PRAMEF4: variants seen among roughly 807,000 people sequenced by gnomAD.
PRAMEF4 encodes the protein RP5-845O24.6.
PRAMEF4 carries 18 observed loss-of-function variants against 34.4 expected under a neutral mutation model. The ratio of observed to expected loss-of-function variants is 0.52; its 90% CI spans 0.36 to 0.78. The LOEUF (loss-of-function observed/expected upper bound fraction) is 0.78. PRAMEF4 is among the 30% of genes least tolerant of loss of function. The pLI is 0.00. For missense variants in PRAMEF4, 482 were observed against 569.1 expected, an observed-to-expected ratio of 0.85 and a Z score of 1.56; for synonymous variants, 156 against 219.3, an observed-to-expected ratio of 0.71 and a Z score of 2.55.
Position 12,883,337 on chromosome 1 carries a change from G to A in PRAMEF4, c.58C>T (p.Leu20=). The A allele has an allele frequency of 6.2e-7, 1 of 1,600,446 alleles. No homozygotes were observed. Among genetic ancestry groups the A allele is most frequent in the Non-Finnish European group, 8.5e-7 (1 of 1,173,336 alleles). The change falls in exon 2 of 4, where the codon CTA becomes TTA. Residue 20 remains leucine (L), a synonymous_variant. Transcript: ENST00000235349. Reference sequence around the variant, plus strand: ...GACATGGCCAAAGCTTGGTCCCTTAGCAGGCTCCGCCCTGCAAGCTCCAGG... The same window carrying A: ...GACATGGCCAAAGCTTGGTCCCTTAACAGGCTCCGCCCTGCAAGCTCCAGG... ...RLLELAGRSL[L]RDQALAMSTL...
Position 12,881,728 on chromosome 1 carries a change from C to G in PRAMEF4, c.875+126G>C. Reference sequence around the variant, plus strand: ...GGACAGGGCCGCCCACAGGACAATGCATGGACATTCTAGTGTCCCCTTCAC... The same window carrying G: ...GGACAGGGCCGCCCACAGGACAATGGATGGACATTCTAGTGTCCCCTTCAC... On this transcript the variant is annotated intron_variant, in intron 3 of 3. Coordinates refer to ENST00000235349, the MANE Select transcript of PRAMEF4 (RefSeq NM_001009611.4). 3 of 1,447,102 alleles carry G rather than the reference C, an allele frequency of 2.1e-6. 1 individual carries two copies. The highest frequency in any genetic ancestry group is 2.8e-6 in the Non-Finnish European group (3 of 1,067,698). 89.6% of individuals were successfully genotyped at this position (1,447,102 alleles called of 1,614,324 possible).
rs1186121315 is a variant in PRAMEF4, at chr1:12,881,703, G to A, written c.875+151C>T. ...GGAGGGTTGCATGATACCCATTTCA[G>A]GACAGGGCCGCCCACAGGACAATGC... On this transcript the variant is annotated intron_variant, in intron 3 of 3. Coordinates refer to ENST00000235349, the MANE Select transcript of PRAMEF4 (RefSeq NM_001009611.4). 72 of 1,345,130 alleles carry A rather than the reference G, an allele frequency of 5.4e-5. 4 individuals are homozygous for A. The highest frequency in any genetic ancestry group is 4.6e-4 in the South Asian group (34 of 74,236). The allele number at this position is 1,345,130 out of a possible 1,614,324, so 83.3% of individuals were successfully genotyped here. A position where few individuals can be genotyped will look rare whatever the true frequency, so the allele number is the denominator to read the frequency against.
chr1:12,884,602 C>G (rs1277611096), intron 1 of PRAMEF4, among the ~76,000 whole-genome samples: 1 of 147,414 alleles, frequency 6.8e-6, no homozygotes, highest in African/African-American at 2.5e-5. Flanking sequence ...GTAGTCCAAG[C>G]TACTAGGGAG....
At chr1:12,881,234 C>A (rs1420484912) in intron 3 of PRAMEF4, among the ~76,000 whole-genome samples, 1 of 147,606 alleles carries the variant, frequency 6.8e-6, no homozygotes, top group African/African-American at 2.5e-5. Context: ...GGTGTGGTGG[C>A]TCACGCCTGT....
chr1:12,881,145 C>A lies in PRAMEF4; in HGVS notation c.875+709G>T, dbSNP rs943810142. 2.4e-4 allele frequency among the ~76,000 whole-genome samples: 35 copies of A among 148,134 alleles called. 2 individuals are homozygous for A. Among genetic ancestry groups the A allele is most frequent in the Non-Finnish European group, 3.1e-4 (21 of 67,414 alleles). On this transcript the variant is annotated intron_variant, in intron 3 of 3. Transcript: ENST00000235349. ...CTTTGGGAGTCCATGGTGGGTGGAT[C>A]ACCTGAAGTCAGGAGTTGGAGAATA...
chr1:12,883,999 C>G lies in PRAMEF4; in HGVS notation c.-16-589G>C, dbSNP rs1428650128. Among the ~76,000 whole-genome samples the G allele has an allele frequency of 1.0e-4, 15 of 143,832 alleles. 2 individuals carry two copies. The highest frequency in any genetic ancestry group is 3.4e-4 in the African/African-American group (13 of 38,624). The allele number at this position is 143,832 out of a possible 152,430, so 94.4% of individuals were successfully genotyped here. ...GCCTCCCTTCTCTCATTCTCTCTCT[C>G]TTTCTCTCTCTCCCTCTCTCACTCT... is the stretch of plus-strand genomic sequence containing the variant. On this transcript the variant is annotated intron_variant, in intron 1 of 3. Coordinates refer to ENST00000235349, the MANE Select transcript of PRAMEF4 (RefSeq NM_001009611.4).
chr1:12,882,267 T>C lies in PRAMEF4; in HGVS notation c.462A>G (p.Glu154=), dbSNP rs765771954. Residue 154 remains glutamate, a synonymous_variant, in exon 3 of 4, where the codon GAA becomes GAG. Transcript: ENST00000235349. ...KGRQPLTVFV[E]LWLKNRTLDE... is the part of the protein sequence containing the mutation. ...CCAGAGTCCTGTTCTTGAGCCAAAG[T>C]TCTACGAACACAGTCAAGGGCTGCC... 1.9e-6 allele frequency: 3 copies of C among 1,553,186 alleles called. No homozygotes were observed. The highest frequency in any genetic ancestry group is 2.6e-6 in the Non-Finnish European group (3 of 1,142,844).
intron 1 of PRAMEF4, among the ~76,000 whole-genome samples, chr1:12,885,306 G>T (rs1257076930): frequency 6.7e-6 from 1 of 149,802 alleles, no homozygotes; most frequent in Non-Finnish European, 1.5e-5. Flanking sequence ...CTCCATTTGG[G>T]TGGAAGAGGA....
In PRAMEF4 at chr1:12,882,180, G is replaced by A; in HGVS notation, c.549C>T (p.Cys183=). 1.3e-6 allele frequency: 2 copies of A among 1,582,166 alleles called. No individual in the cohort carries two copies. Among genetic ancestry groups the A allele is most frequent in the East Asian group, 2.2e-5 (1 of 44,510 alleles). The change falls in exon 3 of 4, where the codon TGC becomes TGT. Residue 183 remains cysteine (C), a synonymous_variant. Transcript: ENST00000235349. ...TTCCCAAAATTTTCAGCTTCTTACA[G>A]CACAGGTGTAGTAAATCTTTCCTCT... ...VKQRKDLLHL[C]CKKLKILGMP...
At chr1:12,885,425 G>A (rs944631467) in intron 1 of PRAMEF4, among the ~76,000 whole-genome samples, 1 of 149,822 alleles carries the variant, frequency 6.7e-6, no homozygotes, top group African/African-American at 2.5e-5. Context: ...AGTGGTGTGA[G>A]CATGGCTCAC....
At position 12,880,014 on chromosome 1, in the gene PRAMEF4, T is replaced by A; in HGVS notation, c.967A>T (p.Ser323Cys). 6.2e-7 allele frequency: 1 copy of A among 1,600,990 alleles called. No individual in the cohort carries two copies. Among genetic ancestry groups the A allele is most frequent in the Non-Finnish European group, 8.5e-7 (1 of 1,173,110 alleles). ...LKHLSQCPSI[S>C]QLKTLDLSGI... Reference sequence around the variant, plus strand: ...CTCAGGTCCAGGGTCTTTAGTTGACTGATACTCGGGCACTGGGATAGATGC... The same window carrying A: ...CTCAGGTCCAGGGTCTTTAGTTGACAGATACTCGGGCACTGGGATAGATGC... Residue 323 changes from serine to cysteine, a missense_variant, in exon 4 of 4, where the codon AGT becomes TGT. Physicochemically the swap from Ser to Cys is moderately radical, Grantham distance 112 (BLOSUM62 -1). Around this residue, in one of 6 missense-constraint regions of PRAMEF4, gnomAD observed 35 missense variants for 109.2 expected, o/e 0.32. Transcript: ENST00000235349.
chr1:12,884,910 C>T lies in PRAMEF4; in HGVS notation c.-17+1237G>A, dbSNP rs535196406. Among the ~76,000 whole-genome samples the T allele has an allele frequency of 1.3e-3, 200 of 150,248 alleles. 5 individuals are homozygous for T. The highest frequency in any genetic ancestry group is 4.7e-3 in the African/African-American group (190 of 40,616). On this transcript the variant is annotated intron_variant, in intron 1 of 3. Coordinates refer to ENST00000235349, the MANE Select transcript of PRAMEF4 (RefSeq NM_001009611.4). ...AACATGGAGTTTTACTAATATGTGT[C>T]CTTCAAAGTCCTGAGTGTGAGACAG...
rs1349739743 is a variant in PRAMEF4, at chr1:12,882,855, G to A, written c.293+247C>T. 4.1e-5 allele frequency among the ~76,000 whole-genome samples: 6 copies of A among 147,556 alleles called. 1 individual carries two copies. Among genetic ancestry groups the A allele is most frequent in the Admixed American group, 2.8e-4 (4 of 14,274 alleles). ...CCAATGTGCTGGGAATACATTGTGA[G>A]CCACCGTGCCCGGCCCAGTTCTCAC... On this transcript the variant is annotated intron_variant, in intron 2 of 3. Transcript: ENST00000235349.
intron 2 of PRAMEF4, 89 bp from the exon 3 acceptor site, chr1:12,882,524 T>C: frequency 6.5e-7 from 1 of 1,534,440 alleles, no homozygotes; most frequent in Non-Finnish European, 8.8e-7. Flanking sequence ...CTCCCCTCCC[T>C]GCTTCTTGTC....
At chr1:12,884,213 C>T (rs921757894) in intron 1 of PRAMEF4, among the ~76,000 whole-genome samples, 10 of 147,538 alleles carry the variant, frequency 6.8e-5, no homozygotes, top group Non-Finnish European at 8.9e-5. Context: ...CAGTGGATTT[C>T]GCTATGTTGT....
At chr1:12,884,854 G>A (rs990565801) in intron 1 of PRAMEF4, among the ~76,000 whole-genome samples, 1 of 150,186 alleles carries the variant, frequency 6.7e-6, no homozygotes, top group African/African-American at 2.5e-5. Context: ...TAGGGTGAAA[G>A]TCCAGGACTC....
In PRAMEF4 at chr1:12,883,140, A is replaced by C. The variant is rs4625290; in HGVS notation, c.255T>G (p.Asp85Glu). Residue 85 changes from aspartate (D) to glutamate (E), a missense_variant, in exon 2 of 4, where the codon GAT (aspartate) becomes GAG (glutamate). Transcript: ENST00000235349. ...PCLEAFQAVL[D>E]GLDALLNLGV... ...CTAGGTTAAGCAGTGCATCCAGCCCATCGAGCACAGCTTGGAAGGCCTCCA... is the reference window on the plus strand; with the variant it reads ...CTAGGTTAAGCAGTGCATCCAGCCCCTCGAGCACAGCTTGGAAGGCCTCCA... The C allele has an allele frequency of 0.12, 187,019 of 1,600,458 alleles. 21,624 individuals carry two copies. The highest frequency in any genetic ancestry group is 0.12 in the Non-Finnish European group (142,687 of 1,173,632).
intron 1 of PRAMEF4, among the ~76,000 whole-genome samples, chr1:12,885,793 A>G (rs1285816063): frequency 2.1e-5 from 3 of 145,214 alleles, no homozygotes; most frequent in African/African-American, 7.8e-5. Context: ...CCCACCCTCA[A>G]AAAAAAAACG....
At position 12,883,319 on chromosome 1, in the gene PRAMEF4, C is replaced by T; in HGVS notation, c.76G>A (p.Ala26Thr). The T allele has an allele frequency of 6.2e-7, 1 of 1,600,162 alleles. No individual in the cohort carries two copies. Among genetic ancestry groups the T allele is most frequent in the Middle Eastern group, 1.8e-4 (1 of 5,620 alleles). ...GGCAGCTCCTCCAGGGTGGACATGGCCAAAGCTTGGTCCCTTAGCAGGCTC... is the reference window on the plus strand; with the variant it reads ...GGCAGCTCCTCCAGGGTGGACATGGTCAAAGCTTGGTCCCTTAGCAGGCTC... ...GRSLLRDQAL[A>T]MSTLEELPTE... is the part of the protein sequence containing the mutation. Residue 26 changes from alanine to threonine, a missense_variant, in exon 2 of 4, where the codon GCC becomes ACC. By Grantham distance (58) the Ala-to-Thr change is moderately conservative (BLOSUM62 0). Around this residue, in one of 6 missense-constraint regions of PRAMEF4, gnomAD observed 172 missense variants for 130.2 expected, o/e 1.32. Coordinates refer to ENST00000235349, the MANE Select transcript of PRAMEF4 (RefSeq NM_001009611.4).
Sources: gnomAD v4.1 joint callset for allele counts (sites outside exome capture counted in the v4.1 genomes callset) on GRCh38, gnomAD v4.1.1 for gene constraint, gnomAD v4.1.1 regional missense constraint, MANE v1.5 for transcripts, NCBI Gene and HGNC (gene_info 2026-07-23, HGNC 2026-07-21) for gene names.